Variants in BCR observed in about 807,000 individuals in gnomAD.
The protein encoded by BCR is breakpoint cluster region protein.
Under a neutral mutation model 138.6 loss-of-function variants are expected in BCR, and 58 were observed. The ratio of observed to expected loss-of-function variants is 0.42; its 90% CI spans 0.34 to 0.52. The LOEUF (loss-of-function observed/expected upper bound fraction) is 0.52, where lower values mean the gene tolerates loss of function less well. BCR is among the 20% of genes least tolerant of loss of function. The probability of loss-of-function intolerance (pLI) is 0.06; values close to 1 mark genes in which losing one functional copy is unlikely to be tolerated. For synonymous variants in BCR, 786 were observed against 730.1 expected, an observed-to-expected ratio of 1.08 and a Z score of -1.23; for missense variants, 1,599 against 1,727.2, an observed-to-expected ratio of 0.93 and a Z score of 1.32.
intron 1 of BCR, among the ~76,000 whole-genome samples, chr22:23,185,689 G>A (rs1276815709): frequency 8.7e-5 from 13 of 150,204 alleles, no homozygotes; most frequent in South Asian, 4.2e-4. Flanking sequence ...AAAACTATGC[G>A]GAACTCACAG....
intron 1 of BCR, among the ~76,000 whole-genome samples, chr22:23,236,183 C>A (rs1487383019): frequency 6.6e-6 from 1 of 152,168 alleles, no homozygotes; most frequent in Non-Finnish European, 1.5e-5. Context: ...CCTCCACGTA[C>A]CTTCTGTTTC....
At chr22:23,227,547 A>G (rs898921389) in intron 1 of BCR, among the ~76,000 whole-genome samples, 10 of 152,206 alleles carry the variant, frequency 6.6e-5, no homozygotes, top group African/African-American at 2.4e-4. Context: ...ATCTGGGAGG[A>G]GCTTTGGAAA....
chr22:23,218,585 G>A (rs551906700), intron 1 of BCR, among the ~76,000 whole-genome samples: 41 of 152,354 alleles, frequency 2.7e-4, no homozygotes, highest in African/African-American at 8.2e-4. Flanking sequence ...GCAGGGTGCG[G>A]AGGTGAGGCT....
intron 1 of BCR, among the ~76,000 whole-genome samples, chr22:23,190,846 C>T (rs1339628184): frequency 2.0e-5 from 3 of 152,156 alleles, no homozygotes; most frequent in Non-Finnish European, 4.4e-5. Flanking sequence ...CATCTCTCTC[C>T]ACATCCAAAA....
chr22:23,291,546 C>T (rs1405596856), intron 14 of BCR, among the ~76,000 whole-genome samples: 1 of 152,038 alleles, frequency 6.6e-6, no homozygotes, highest in African/African-American at 2.4e-5. Flanking sequence ...CATCTCCTCC[C>T]GGGTCCTGTC....
chr22:23,292,752 C>A, intron 15 of BCR, 114 bp downstream of exon 15: 2 of 820,824 alleles, frequency 2.4e-6, no homozygotes, highest in Non-Finnish European at 3.8e-6. Flanking sequence ...GAAGGCAGTG[C>A]TGCTGAATTC....
chr22:23,236,812 A>G (rs1266770700), intron 1 of BCR, among the ~76,000 whole-genome samples: 2 of 152,240 alleles, frequency 1.3e-5, no homozygotes, highest in African/African-American at 2.4e-5. Context: ...AGCAAGGAGC[A>G]GGAATCAGCC....
chr22:23,260,718 G>A (rs185029162), intron 2 of BCR, among the ~76,000 whole-genome samples: 6 of 152,352 alleles, frequency 3.9e-5, no homozygotes, highest in Admixed American at 3.9e-4. Flanking sequence ...CAAGAGTAAG[G>A]GTGGCCCTGG....
In BCR at chr22:23,261,056, TGAG is replaced by T. The variant is rs780890083; in HGVS notation, c.1566+8_1566+10del. On this transcript the variant is annotated splice_donor_5th_base_variant and intron_variant, in intron 3 of 22. Coordinates refer to ENST00000305877, the MANE Select transcript of BCR (RefSeq NM_004327.4). Reference sequence around the variant, plus strand: ...AGCCACCTGGAGGCACTGCTGCTGGTGAGGAGGATTTAGGGAGCTGAGCAGGGC... The same window carrying T: ...AGCCACCTGGAGGCACTGCTGCTGGTGAGGATTTAGGGAGCTGAGCAGGGC... 6.2e-7 allele frequency: 1 copy of T among 1,612,848 alleles called. No individual in the cohort carries two copies. Among genetic ancestry groups the T allele is most frequent in the Non-Finnish European group, 8.5e-7 (1 of 1,179,582 alleles).
intron 4 of BCR, chr22:23,262,911 C>A: frequency 9.1e-7 from 1 of 1,097,142 alleles, no homozygotes. Flanking sequence ...AGCGAGGACA[C>A]GCCCAAGAGA....
In BCR at chr22:23,273,239, G is replaced by A. The variant is rs538554508; in HGVS notation, c.1974+106G>A. 2.8e-4 allele frequency: 357 copies of A among 1,264,146 alleles called. 1 individual carries two copies. The South Asian group carries it at 3.8e-3, about 14-fold the overall frequency. 78.3% of individuals were successfully genotyped at this position (1,264,146 alleles called of 1,614,324 possible). A position where few individuals can be genotyped will look rare whatever the true frequency, so the allele number is the denominator to read the frequency against. On this transcript the variant is annotated intron_variant, in intron 7 of 22. Transcript: ENST00000305877. ...TTAGTTGTCATAGCTGCAGCCAAGG[G>A]GGTGCTACTGGCATCTAATGGGTAG...
At chr22:23,209,097 C>G (rs988427294) in intron 1 of BCR, among the ~76,000 whole-genome samples, 3 of 151,962 alleles carry the variant, frequency 2.0e-5, no homozygotes, top group Non-Finnish European at 2.9e-5. Flanking sequence ...CGGTGGCTCA[C>G]GCCTGTAATC....
Position 23,191,080 on chromosome 22 carries a change from G to A in BCR, c.1279+8841G>A, listed in dbSNP as rs115565741. On this transcript the variant is annotated intron_variant, in intron 1 of 22. Transcript: ENST00000305877. Reference sequence around the variant, plus strand: ...CCTGAATACCTGGTACTACAGGCGCGTGCCACCATGCCTGGCTAATTTTTA... The same window carrying A: ...CCTGAATACCTGGTACTACAGGCGCATGCCACCATGCCTGGCTAATTTTTA... Among the ~76,000 whole-genome samples the A allele has an allele frequency of 4.5e-3, 682 of 152,046 alleles. 4 individuals are homozygous for A. The highest frequency in any genetic ancestry group is 0.016 in the African/African-American group (643 of 41,460).
At chr22:23,262,471 G>C (rs1301073942) in intron 4 of BCR, among the ~76,000 whole-genome samples, 2 of 152,206 alleles carry the variant, frequency 1.3e-5, no homozygotes, top group Non-Finnish European at 2.9e-5. Flanking sequence ...TCCAGTTCTT[G>C]CTCCCTGGGG....
intron 1 of BCR, among the ~76,000 whole-genome samples, chr22:23,227,193 G>A (rs902632788): frequency 4.6e-5 from 7 of 152,182 alleles, no homozygotes; most frequent in African/African-American, 1.7e-4. Context: ...GGAGAAGCAG[G>A]CTGACAAGTG....
chr22:23,307,319 G>A (rs2073961478), intron 16 of BCR, among the ~76,000 whole-genome samples: 2 of 152,020 alleles, frequency 1.3e-5, no homozygotes, highest in African/African-American at 2.4e-5. Context: ...GCCCAGGCTG[G>A]TCTTAAACTC....
rs999032036 is a variant in BCR, at chr22:23,289,453, G to A, written c.2603-64G>A. ...CCAGGGTGTGTGGTGGAGGTCCAGT[G>A]GGAGGGGCCAGAGGGCCAAGGAGCA... On this transcript the variant is annotated intron_variant, in intron 12 of 22. Transcript: ENST00000305877. 49 of 1,398,128 alleles carry A rather than the reference G, an allele frequency of 3.5e-5. No individual in the cohort carries two copies. In the African/African-American group the frequency reaches 6.0e-4, roughly 17 times the overall value. The allele number at this position is 1,398,128 out of a possible 1,614,324, so 86.6% of individuals were successfully genotyped here.
rs370551875 is a variant in BCR, at chr22:23,274,579, A to T, written c.2115+805A>T. On this transcript the variant is annotated intron_variant, in intron 8 of 22. Transcript: ENST00000305877. ...ACAGAAGCTGTCTGGCCCAGGCAGG[A>T]CACAGGCTGGGCGTGAACCTGACTG... Among the ~76,000 whole-genome samples, 6 of 152,252 alleles carry T rather than the reference A, an allele frequency of 3.9e-5. No individual in the cohort carries two copies. In the East Asian group the frequency reaches 9.7e-4, roughly 25 times the overall value.
In BCR at chr22:23,262,685, CG is replaced by C. The variant is rs1247950393; in HGVS notation, c.1752+1148del. On this transcript the variant is annotated intron_variant, in intron 4 of 22. Transcript: ENST00000305877. ...CCAGGGCCGCTGGGTGTGGGGCCGC[CG>C]GGAATGGCGGGCCCGGGTGAGGGCG... is the stretch of plus-strand genomic sequence containing the variant. 87 of 683,546 alleles carry C rather than the reference CG, an allele frequency of 1.3e-4. 1 individual carries two copies. In the South Asian group the frequency reaches 4.9e-3, roughly 39 times the overall value. 42.3% of individuals were successfully genotyped at this position (683,546 alleles called of 1,614,324 possible). A position where few individuals can be genotyped will look rare whatever the true frequency, so the allele number is the denominator to read the frequency against.
Sources: allele counts gnomAD v4.1 joint callset (sites outside exome capture counted in the v4.1 genomes callset), GRCh38; gene constraint gnomAD v4.1.1; transcripts MANE v1.5; gene names NCBI Gene and HGNC (gene_info 2026-07-23, HGNC 2026-07-21).